PRRC1: variants seen among roughly 807,000 people sequenced by gnomAD.
The protein encoded by PRRC1 is protein PRRC1.
A neutral mutation model predicts 40.7 loss-of-function variants in PRRC1; 39 were observed. That is an observed-to-expected ratio of 0.96 (90% confidence interval 0.74 to 1.25). The LOEUF (loss-of-function observed/expected upper bound fraction) is 1.25, where lower values mean the gene tolerates loss of function less well. PRRC1 is among the 50% of genes most tolerant of loss of function. The pLI, the probability that PRRC1 is intolerant of heterozygous loss-of-function variation, is 0.00. For missense variants in PRRC1, 573 were observed against 548.3 expected (o/e 1.05, Z -0.45); for synonymous variants, 175 against 193.3 (o/e 0.91, Z 0.79).
Position 127,539,121 on chromosome 5 carries a change from A to C in PRRC1, c.1003A>C (p.Ile335Leu), listed in dbSNP as rs142249835. Residue 335 changes from isoleucine (I) to leucine (L), a missense_variant, in exon 7 of 9, where the codon ATT becomes CTT. By Grantham distance (5) the Ile-to-Leu change is conservative (BLOSUM62 2). Transcript: ENST00000296666. ...GACAGCTGTGTCAGTAGAAAACTTC[A>C]TTGCAGAATTGCTGCCTGACAAGTA... ...KQTAVSVENFIAELLPDKWFD... is the reference protein window; with the variant it reads ...KQTAVSVENFLAELLPDKWFD... The C allele has an allele frequency of 6.2e-6, 10 of 1,612,600 alleles. No homozygotes were observed. The highest frequency in any genetic ancestry group is 8.5e-6 in the Non-Finnish European group (10 of 1,178,854).
intron 5 of PRRC1, among the ~76,000 whole-genome samples, chr5:127,532,616 C>T (rs1207537636): frequency 4.6e-5 from 7 of 152,102 alleles, no homozygotes; most frequent in Non-Finnish European, 8.8e-5. Flanking sequence ...AAAGTATATT[C>T]TTCTTCTCTT....
rs1386273409 is a variant in PRRC1, at chr5:127,553,764, C to A, written c.*1848C>A. On this transcript the variant is annotated 3_prime_UTR_variant, in exon 9 of 9. Transcript: ENST00000296666. ...TCTTTTTGATGTTTTGAGAATTGTT[C>A]TCATAGAATCACAAATACTGACATT... 2 of 1,531,842 alleles carry A rather than the reference C, an allele frequency of 1.3e-6. No homozygotes were observed. The highest frequency in any genetic ancestry group is 2.7e-5 in the African/African-American group (2 of 72,772). 94.9% of individuals were successfully genotyped at this position (1,531,842 alleles called of 1,614,324 possible). A position where few individuals can be genotyped will look rare whatever the true frequency, so the allele number is the denominator to read the frequency against.
At chr5:127,543,230 G>A (rs1768104831) in intron 7 of PRRC1, among the ~76,000 whole-genome samples, 1 of 152,150 alleles carries the variant, frequency 6.6e-6, no homozygotes, top group Non-Finnish European at 1.5e-5. Context: ...TAGAGTTTCT[G>A]CCGAGAGATC....
At chr5:127,542,858 C>T (rs1408714393) in intron 7 of PRRC1, among the ~76,000 whole-genome samples, 3 of 152,030 alleles carry the variant, frequency 2.0e-5, no homozygotes, top group African/African-American at 7.3e-5. Flanking sequence ...TTAATTGGAG[C>T]ATTTAGTCCA....
chr5:127,553,819 CA>C lies in PRRC1; in HGVS notation c.*1906del. On this transcript the variant is annotated 3_prime_UTR_variant, in exon 9 of 9. Coordinates refer to ENST00000296666, the MANE Select transcript of PRRC1 (RefSeq NM_130809.5). ...TAGATGATTATTTTCCTAGAATCCC[CA>C]AAGAGCAGTGGCAGTCCATGGCTTG... The C allele has an allele frequency of 2.0e-6, 3 of 1,535,656 alleles. No individual in the cohort carries two copies. The highest frequency in any genetic ancestry group is 2.6e-6 in the Non-Finnish European group (3 of 1,146,590).
Position 127,553,493 on chromosome 5 carries a change from C to A in PRRC1, c.*1577C>A. On this transcript the variant is annotated 3_prime_UTR_variant, in exon 9 of 9. Transcript: ENST00000296666. ...AGGGACAGAATACTTTCTTTCTTTC[C>A]TTCAAGTACAAGAAGGCTTTCTCTA... 1 of 1,139,956 alleles carries A rather than the reference C, an allele frequency of 8.8e-7. No individual in the cohort carries two copies. The highest frequency in any genetic ancestry group is 2.0e-5 in the South Asian group (1 of 49,592). 70.6% of individuals were successfully genotyped at this position (1,139,956 alleles called of 1,614,324 possible).
In PRRC1 at chr5:127,525,020, A is replaced by G. The variant is rs1398654478; in HGVS notation, c.493+100A>G. 31 of 1,175,698 alleles carry G rather than the reference A, an allele frequency of 2.6e-5. No individual in the cohort carries two copies. In the Admixed American group the frequency reaches 4.1e-4, roughly 15 times the overall value. 72.8% of individuals were successfully genotyped at this position (1,175,698 alleles called of 1,614,324 possible). A position where few individuals can be genotyped will look rare whatever the true frequency, so the allele number is the denominator to read the frequency against. Reference sequence around the variant, plus strand: ...TGAGATATAATTTATGTACTCTACAATTCACCCAATTCAAAGCATACAGTT... The same window carrying G: ...TGAGATATAATTTATGTACTCTACAGTTCACCCAATTCAAAGCATACAGTT... On this transcript the variant is annotated intron_variant, in intron 3 of 8. Transcript: ENST00000296666.
chr5:127,526,613 A>T lies in PRRC1; in HGVS notation c.494-5A>T, dbSNP rs1287997900. 6.3e-7 allele frequency: 1 copy of T among 1,598,506 alleles called. No homozygotes were observed. The highest frequency in any genetic ancestry group is 8.5e-7 in the Non-Finnish European group (1 of 1,174,180). The stretch of plus-strand genomic sequence containing the variant: ...ATACATATGAAAATTTTTGCCATTG[A>T]TTAGGTCTTTTGCCAACTCCTATTA... On this transcript the variant is annotated splice_region_variant and splice_polypyrimidine_tract_variant and intron_variant, in intron 3 of 8. Transcript: ENST00000296666.
intron 3 of PRRC1, 42 bp downstream of exon 3, chr5:127,524,962 A>C: frequency 1.3e-6 from 2 of 1,502,358 alleles, no homozygotes; most frequent in Non-Finnish European, 1.8e-6. Context: ...CTATTAATTA[A>C]TGTTTTATTC....
intron 6 of PRRC1, 124 bp from the exon 7 acceptor site, chr5:127,538,916 C>T (rs1014672640): frequency 1.8e-6 from 1 of 566,674 alleles, no homozygotes; most frequent in Admixed American, 3.7e-5. Flanking sequence ...ATTGTTTGAA[C>T]GTTTACAGTG....
chr5:127,533,739 C>G lies in PRRC1; in HGVS notation c.874C>G (p.Gln292Glu), dbSNP rs910585307. The G allele has an allele frequency of 6.2e-7, 1 of 1,614,090 alleles. No homozygotes were observed. The stretch of plus-strand genomic sequence containing the variant: ...AGCTGTGGTTGTAGGGGAAGCTGGA[C>G]AGTCCAATATTGCCCCACAACCAGT... ...GLAVVVGEAG[Q>E]SNIAPQPVGY... Residue 292 changes from glutamine to glutamate, a missense_variant, in exon 6 of 9, where the codon CAG becomes GAG. Coordinates refer to ENST00000296666, the MANE Select transcript of PRRC1 (RefSeq NM_130809.5).
chr5:127,536,599 T>C (rs1034410009), intron 6 of PRRC1, among the ~76,000 whole-genome samples: 1 of 152,084 alleles, frequency 6.6e-6, no homozygotes, highest in Admixed American at 6.5e-5. Context: ...TACATTTCAC[T>C]GAAATTAGAG....
In PRRC1 at chr5:127,530,305, G is replaced by C. The variant is rs34252679; in HGVS notation, c.666G>C (p.Gly222=). The C allele has an allele frequency of 1.2e-6, 2 of 1,613,686 alleles. No individual in the cohort carries two copies. The highest frequency in any genetic ancestry group is 1.7e-6 in the Non-Finnish European group (2 of 1,179,720). Residue 222 remains glycine, a synonymous_variant, in exon 5 of 9, where the codon GGG becomes GGC. Transcript: ENST00000296666. The part of the protein sequence containing the change: ...GIWGFIKGVA[G]NPMVKSVLDK... ...TTTGTTTTATGCAGGGTGTGGCTGG[G>C]AATCCTATGGTGAAGTCTGTGCTTG...
chr5:127,544,136 C>T (rs1413200707), intron 7 of PRRC1, among the ~76,000 whole-genome samples: 1 of 152,206 alleles, frequency 6.6e-6, no homozygotes, highest in African/African-American at 2.4e-5. Context: ...GCTAGAGGTC[C>T]ACTCCAGACC....
intron 7 of PRRC1, among the ~76,000 whole-genome samples, chr5:127,544,279 C>CT (rs1175929420): frequency 1.3e-5 from 2 of 152,212 alleles, no homozygotes; most frequent in African/African-American, 4.8e-5. Context: ...AGGTGTCAGT[C>CT]TGACCTTACT....
intron 7 of PRRC1, among the ~76,000 whole-genome samples, chr5:127,543,058 G>GA (rs1172430910): frequency 6.7e-6 from 1 of 148,736 alleles, no homozygotes; most frequent in Non-Finnish European, 1.5e-5. Flanking sequence ...CAGCTTTTAG[G>GA]GCAGGCCTGG....
At chr5:127,545,694 G>A (rs1308799381) in intron 7 of PRRC1, among the ~76,000 whole-genome samples, 4 of 151,224 alleles carry the variant, frequency 2.6e-5, no homozygotes, top group Non-Finnish European at 5.9e-5. Context: ...ATGAATTAAT[G>A]GGTGCAGCAC....
At chr5:127,544,762 G>A (rs978883976) in intron 7 of PRRC1, among the ~76,000 whole-genome samples, 6 of 152,130 alleles carry the variant, frequency 3.9e-5, no homozygotes, top group African/African-American at 9.7e-5. Context: ...GGAGTGACCC[G>A]ATTTTCCAGG....
rs1209840947 is a variant in PRRC1 at position 127,554,827 on chromosome 5, ATTACT to A, written c.*2915_*2919del. 2 of 152,634 alleles carry A rather than the reference ATTACT, an allele frequency of 1.3e-5. No homozygotes were observed. Among genetic ancestry groups the A allele is most frequent in the African/African-American group, 2.4e-5 (1 of 41,464 alleles). The allele number at this position is 152,634 out of a possible 1,614,324, so 9.5% of individuals were successfully genotyped here. The stretch of plus-strand genomic sequence containing the variant: ...TTAGTAATTACTCAGGGTTAACTAA[ATTACT>A]TTAATATGCTGTTGAATCTACTCTG... On this transcript the variant is annotated 3_prime_UTR_variant, in exon 9 of 9. Transcript: ENST00000296666.
Sources: gnomAD v4.1 joint callset for allele counts (sites outside exome capture counted in the v4.1 genomes callset) on GRCh38, gnomAD v4.1.1 for gene constraint, MANE v1.5 for transcripts, NCBI Gene and HGNC (gene_info 2026-07-23, HGNC 2026-07-21) for gene names.